RBFOX1: variants seen among roughly 807,000 people sequenced by gnomAD.
RBFOX1 encodes the protein RNA binding protein fox-1 homolog 1.
Under a neutral mutation model 57.7 loss-of-function variants are expected in RBFOX1, and 8 were observed. The ratio of observed to expected loss-of-function variants is 0.14; its 90% CI spans 0.08 to 0.25. The LOEUF is 0.25. Among genes scored for constraint, RBFOX1 ranks in the 10% least tolerant of loss-of-function variants. The probability of loss-of-function intolerance (pLI) is 1.00; values close to 1 mark genes in which losing one functional copy is unlikely to be tolerated. For synonymous variants in RBFOX1, 326 were observed against 222.4 expected, an observed-to-expected ratio of 1.47 and a Z score of -4.15; for missense variants, 611 against 548.5, an observed-to-expected ratio of 1.11 and a Z score of -1.14.
Position 7,273,237 on chromosome 16 carries a change from C to CCTTCCTTCCTTCCTTA in RBFOX1, c.27+221154_27+221155insACTTCCTTCCTTCCTT, listed in dbSNP as rs1555652818. On this transcript the variant is annotated intron_variant, in intron 4 of 15. Coordinates refer to ENST00000550418, the MANE Select transcript of RBFOX1 (RefSeq NM_018723.4). ...TCCTTCCTTCCTTCCTTCCTTCCTT[C>CCTTCCTTCCTTCCTTA]CTTCCTTCCTTCCTTCCTTCCTTCC... Among the ~76,000 whole-genome samples, 121 of 140,942 alleles carry CCTTCCTTCCTTCCTTA rather than the reference C, an allele frequency of 8.6e-4. 1 individual carries two copies. The highest frequency in any genetic ancestry group is 9.9e-4 in the Non-Finnish European group (64 of 64,828). 92.5% of individuals were successfully genotyped at this position (140,942 alleles called of 152,430 possible).
chr16:6,489,244 C>T (rs537842199), intron 2 of RBFOX1, among the ~76,000 whole-genome samples: 2 of 152,122 alleles, frequency 1.3e-5, no homozygotes, highest in Non-Finnish European at 2.9e-5. Flanking sequence ...AACAACCTTC[C>T]CATATGGTCC....
rs1366077589 is a variant in RBFOX1, at chr16:6,450,788, T to TAC, written c.-64+133733_-64+133734dup. Among the ~76,000 whole-genome samples, 143 of 47,996 alleles carry TAC rather than the reference T, an allele frequency of 3.0e-3. 6 individuals carry two copies. The highest frequency in any genetic ancestry group is 0.013 in the African/African-American group (123 of 9,116). The allele number at this position is 47,996 out of a possible 152,430, so 31.5% of individuals were successfully genotyped here. A position where few individuals can be genotyped will look rare whatever the true frequency, so the allele number is the denominator to read the frequency against. The stretch of plus-strand genomic sequence containing the variant: ...ATGTGTATATATATATATATATATA[T>TAC]ACATATATATATGTATATATATATA... On this transcript the variant is annotated intron_variant, in intron 2 of 15. Transcript: ENST00000550418.
At chr16:6,699,157 C>G (rs186235396) in intron 3 of RBFOX1, among the ~76,000 whole-genome samples, 2 of 152,110 alleles carry the variant, frequency 1.3e-5, no homozygotes, top group Non-Finnish European at 2.9e-5. Flanking sequence ...ACCCAGGCAC[C>G]CCTGTCATGT....
intron 3 of RBFOX1, among the ~76,000 whole-genome samples, chr16:6,776,995 A>G (rs929104619): frequency 2.6e-5 from 4 of 152,176 alleles, no homozygotes; most frequent in African/African-American, 9.7e-5. Flanking sequence ...TGCAGTTGTA[A>G]TTAAAGTGAA....
chr16:6,971,509 G>GGTGTGTGT (rs34694992), intron 3 of RBFOX1, among the ~76,000 whole-genome samples: 4 of 149,828 alleles, frequency 2.7e-5, no homozygotes, highest in Non-Finnish European at 5.9e-5. Context: ...AGAGAGAGTT[G>GGTGTGTGT]GTGTGTGTGT....
At chr16:6,903,787 G>T (rs764664725) in intron 3 of RBFOX1, among the ~76,000 whole-genome samples, 1 of 152,170 alleles carries the variant, frequency 6.6e-6, no homozygotes, top group Non-Finnish European at 1.5e-5. Flanking sequence ...CGGAGCTGCC[G>T]CTGCTTAGCC....
At position 6,854,833 on chromosome 16, in the gene RBFOX1, A is replaced by T. The variant is rs559249910; in HGVS notation, c.-15-197224A>T. The stretch of plus-strand genomic sequence containing the variant: ...ATGGTCTGCATCTCCTGACCTCGTG[A>T]TCCGCCTGCCTCGGCCTCCCAAAGT... On this transcript the variant is annotated intron_variant, in intron 3 of 15. Coordinates refer to ENST00000550418, the MANE Select transcript of RBFOX1 (RefSeq NM_018723.4). Among the ~76,000 whole-genome samples the T allele has an allele frequency of 7.2e-5, 11 of 152,030 alleles. No homozygotes were observed. The South Asian group carries it at 1.2e-3, about 17-fold the overall frequency.
chr16:7,516,289 G>A (rs1176475625), intron 4 of RBFOX1, among the ~76,000 whole-genome samples: 9 of 152,032 alleles, frequency 5.9e-5, no homozygotes, highest in Admixed American at 3.9e-4. Flanking sequence ...ACGCACTAAC[G>A]GACTCACTAG....
At chr16:7,113,258 G>T (rs1403641201) in intron 4 of RBFOX1, among the ~76,000 whole-genome samples, 1 of 152,170 alleles carries the variant, frequency 6.6e-6, no homozygotes, top group Non-Finnish European at 1.5e-5. Context: ...ACCCAAGAGT[G>T]TACCTCTGAG....
chr16:6,888,933 C>T (rs1463875689), intron 3 of RBFOX1, among the ~76,000 whole-genome samples: 1 of 152,158 alleles, frequency 6.6e-6, no homozygotes, highest in Non-Finnish European at 1.5e-5. Context: ...AGATAGAAAC[C>T]TTTAATCACT....
intron 3 of RBFOX1, among the ~76,000 whole-genome samples, chr16:7,002,416 A>G (rs1030215389): frequency 1.1e-4 from 17 of 152,340 alleles, no homozygotes; most frequent in East Asian, 1.9e-4. Flanking sequence ...TTTAAAAAAG[A>G]TCTTTTCAAC....
chr16:7,238,015 A>G (rs1457494557), intron 4 of RBFOX1, among the ~76,000 whole-genome samples: 1 of 152,236 alleles, frequency 6.6e-6, no homozygotes, highest in East Asian at 1.9e-4. Context: ...AAAAAAGAAA[A>G]GAGATGCTGA....
intron 1 of RBFOX1, among the ~76,000 whole-genome samples, chr16:5,420,328 G>A (rs2067278417): frequency 6.6e-6 from 1 of 152,056 alleles, no homozygotes; most frequent in Non-Finnish European, 1.5e-5. Flanking sequence ...TTTCCATCCT[G>A]TTGGAAGACA....
At chr16:5,727,776 C>A (rs965356929) in intron 3 of RBFOX1, among the ~76,000 whole-genome samples, 1 of 152,194 alleles carries the variant, frequency 6.6e-6, no homozygotes, top group Admixed American at 6.5e-5. Context: ...CAGCCTCAAA[C>A]TTCTGGATTC....
At chr16:7,005,698 G>T (rs990408326) in intron 3 of RBFOX1, among the ~76,000 whole-genome samples, 1 of 152,150 alleles carries the variant, frequency 6.6e-6, no homozygotes, top group Non-Finnish European at 1.5e-5. Flanking sequence ...GCCATCTCAG[G>T]ACTGTGGTGG....
chr16:7,464,332 C>T (rs749001175), intron 4 of RBFOX1, among the ~76,000 whole-genome samples: 4 of 152,084 alleles, frequency 2.6e-5, no homozygotes, highest in African/African-American at 4.8e-5. Context: ...TGATCACCAT[C>T]GCAGGTGAAC....
rs573407995 is a variant in RBFOX1, at chr16:5,496,430, C to A, written c.258+29176C>A. The stretch of plus-strand genomic sequence containing the variant: ...TGCCCAGCTCCTTCTCACTATTCAG[C>A]TTCATCTCGAATGTGTCCATCTCAG... On this transcript the variant is annotated intron_variant, in intron 2 of 2. Coordinates refer to the RBFOX1 transcript ENST00000585867. 5.1e-3 allele frequency among the ~76,000 whole-genome samples: 769 copies of A among 152,202 alleles called. 1 individual carries two copies. Among genetic ancestry groups the A allele is most frequent in the Non-Finnish European group, 8.4e-3 (568 of 68,022 alleles).
rs537371133 is a variant in RBFOX1, at chr16:5,314,786, T to C, written c.219+74681T>C. Among the ~76,000 whole-genome samples the C allele has an allele frequency of 5.4e-5, 8 of 148,406 alleles. 1 individual carries two copies. Among genetic ancestry groups the C allele is most frequent in the Non-Finnish European group, 1.2e-4 (8 of 67,620 alleles). ...AAAGTGCTGAGATTTGAGGCATGAG[T>C]CACCACACCTGGCCTCATTTCTTTT... is the stretch of plus-strand genomic sequence containing the variant. On this transcript the variant is annotated intron_variant, in intron 1 of 2. Transcript: ENST00000585867.
chr16:6,916,616 A>G (rs756181254), intron 3 of RBFOX1, among the ~76,000 whole-genome samples: 11 of 151,968 alleles, frequency 7.2e-5, no homozygotes, highest in Admixed American at 1.3e-4. Flanking sequence ...TTGCAACGCT[A>G]TTGGCCGTTC....
Sources: allele counts gnomAD v4.1 joint callset (sites outside exome capture counted in the v4.1 genomes callset), GRCh38; gene constraint gnomAD v4.1.1; transcripts MANE v1.5; gene names NCBI Gene and HGNC (gene_info 2026-07-23, HGNC 2026-07-21).